Variants in PRH1 observed in about 807,000 individuals in gnomAD.
PRH1 encodes the protein salivary acidic proline-rich phosphoprotein 1/2.
In PRH1, 7 loss-of-function variants were observed where a neutral mutation model predicts 7.9. The ratio of observed to expected loss-of-function variants is 0.89; its 90% CI spans 0.50 to 1.67. The LOEUF (loss-of-function observed/expected upper bound fraction) is 1.67, where lower values mean the gene tolerates loss of function less well. Among genes scored for constraint, PRH1 ranks in the 40% most tolerant of loss-of-function variants. The probability of loss-of-function intolerance (pLI) is 0.00; values close to 1 mark genes in which losing one functional copy is unlikely to be tolerated. For synonymous variants in PRH1, 45 were observed against 80.8 expected (o/e 0.56, Z 2.38); for missense variants, 109 against 223.6 (o/e 0.49, Z 3.27).
At chr12:11,097,150 A>G in intron 1 of PRH1, 1 of 182,056 alleles carries the variant, frequency 5.5e-6, no homozygotes. Flanking sequence ...AACAATCATT[A>G]AAATATCAAA....
chr12:10,918,174 A>G (rs1335067322), intron 2 of PRH1, among the ~76,000 whole-genome samples: 1 of 152,168 alleles, frequency 6.6e-6, no homozygotes, highest in African/African-American at 2.4e-5. Context: ...GAACAATGAG[A>G]TCACATGGAC....
At chr12:10,938,544 C>T (rs772125764) in intron 2 of PRH1, 3 of 1,613,934 alleles carry the variant, frequency 1.9e-6, no homozygotes, top group Non-Finnish European at 1.7e-6. Flanking sequence ...TTGGTGCTGG[C>T]GTCTCCGGAT....
chr12:11,002,230 T>C (rs758095420), intron 1 of PRH1, among the ~76,000 whole-genome samples: 19 of 152,216 alleles, frequency 1.2e-4, no homozygotes, highest in Non-Finnish European at 2.5e-4. Flanking sequence ...AGATGATGAT[T>C]GGTGATGATG....
intron 2 of PRH1, chr12:10,908,140 G>C (rs774602473): frequency 2.3e-6 from 1 of 433,512 alleles, no homozygotes; most frequent in Admixed American, 3.9e-5. Context: ...ATTTACAATA[G>C]AATCTGCCAA....
chr12:11,169,463 G>A (rs1256443590), intron 1 of PRH1, among the ~76,000 whole-genome samples: 2 of 152,126 alleles, frequency 1.3e-5, no homozygotes, highest in African/African-American at 4.8e-5. Flanking sequence ...ATCTGGCCAT[G>A]TTATCAGTGG....
chr12:11,143,655 G>C (rs1202530989), intron 1 of PRH1, among the ~76,000 whole-genome samples: 1 of 152,110 alleles, frequency 6.6e-6, no homozygotes, highest in African/African-American at 2.4e-5. Flanking sequence ...ACACTCCATG[G>C]CAATGGAAGC....
At chr12:11,148,176 C>G (rs7974258) in intron 1 of PRH1, among the ~76,000 whole-genome samples, 48,696 of 123,860 alleles carry the variant, frequency 0.39, 10,608 homozygotes, top group Non-Finnish European at 0.48. Flanking sequence ...ATCAGCTTAA[C>G]GAGATTTTGG....
chr12:11,084,272 GTT>G (rs1160685055), intron 1 of PRH1, among the ~76,000 whole-genome samples: 53,152 of 119,764 alleles, frequency 0.44, 7,718 homozygotes, highest in Non-Finnish European at 0.53. Context: ...CTGTCGAAGT[GTT>G]GGTTTCTTTT....
chr12:11,114,670 A>G (rs1160170232), intron 1 of PRH1, among the ~76,000 whole-genome samples: 1 of 152,160 alleles, frequency 6.6e-6, no homozygotes, highest in Non-Finnish European at 1.5e-5. Context: ...AATAATAGCC[A>G]CAACAACCTT....
chr12:11,161,893 A>G (rs1270298609), intron 1 of PRH1, among the ~76,000 whole-genome samples: 1 of 152,236 alleles, frequency 6.6e-6, no homozygotes, highest in Non-Finnish European at 1.5e-5. Context: ...GTGTAAGGAC[A>G]ACCATTTTGG....
At position 10,983,469 on chromosome 12, in the gene PRH1, T is replaced by C. The variant is rs1478026087; in HGVS notation, c.-125-9748A>G. Among the ~76,000 whole-genome samples the C allele has an allele frequency of 2.0e-5, 3 of 152,298 alleles. No individual in the cohort carries two copies. The East Asian group carries it at 5.8e-4, about 29-fold the overall frequency. ...TTTTCTTGGTCAGCACCTTGCTTGA[T>C]CCAGATCATCCTTCCATTTGGGACT... On this transcript the variant is annotated intron_variant, in intron 1 of 3. Coordinates refer to the PRH1 transcript ENST00000539853.
chr12:11,152,043 T>C (rs951969053), intron 1 of PRH1, among the ~76,000 whole-genome samples: 1 of 151,982 alleles, frequency 6.6e-6, no homozygotes. Flanking sequence ...AATAACTTAA[T>C]GTTTTTCTTT....
At chr12:10,998,159 T>G (rs1392067431) in intron 1 of PRH1, among the ~76,000 whole-genome samples, 1 of 152,166 alleles carries the variant, frequency 6.6e-6, no homozygotes, top group Non-Finnish European at 1.5e-5. Flanking sequence ...TTTTTCATAC[T>G]GATGTTGAAG....
chr12:11,170,337 G>A (rs1324825995), intron 1 of PRH1, among the ~76,000 whole-genome samples: 3 of 152,174 alleles, frequency 2.0e-5, no homozygotes, highest in Non-Finnish European at 4.4e-5. Context: ...ACGAGGTCAG[G>A]AGATCGAGAC....
chr12:11,111,912 T>G (rs1049356024), intron 1 of PRH1, among the ~76,000 whole-genome samples: 1 of 151,660 alleles, frequency 6.6e-6, no homozygotes, highest in African/African-American at 2.4e-5. Context: ...CTAGCCAGAC[T>G]AGTAAAGAAG....
In PRH1 at chr12:11,143,720, A is replaced by G. The variant is rs147275147; in HGVS notation, n.40-22540T>C. 4.7e-3 allele frequency among the ~76,000 whole-genome samples: 718 copies of G among 152,308 alleles called. 4 individuals are homozygous for G. The highest frequency in any genetic ancestry group is 6.8e-3 in the Middle Eastern group (2 of 294). On this transcript the variant is annotated intron_variant and non_coding_transcript_variant, in intron 1 of 1. Transcript: ENST00000541175. ...TAGACAAAATAGATTTCAAGACAAA[A>G]ACTATGAAGCGACAAAGAAGGTCAA...
chr12:10,909,645 T>C (rs545867696), intron 2 of PRH1: 12 of 223,926 alleles, frequency 5.4e-5, no homozygotes, highest in Non-Finnish European at 7.8e-5. Flanking sequence ...TTCATTGTTT[T>C]GTACTTTTTT....
chr12:10,897,800 G>GC (rs1275334596), intron 2 of PRH1, among the ~76,000 whole-genome samples: 2 of 152,038 alleles, frequency 1.3e-5, no homozygotes, highest in Non-Finnish European at 2.9e-5. Context: ...GGGGGAAACT[G>GC]CCCCCCATAA....
intron 2 of PRH1, among the ~76,000 whole-genome samples, chr12:10,944,576 C>A (rs1223168604): frequency 6.6e-6 from 1 of 152,092 alleles, no homozygotes; most frequent in Non-Finnish European, 1.5e-5. Context: ...ATTGCTCTGG[C>A]CAGGACTTCC....
Sources: gnomAD v4.1 joint callset for allele counts (sites outside exome capture counted in the v4.1 genomes callset) on GRCh38, gnomAD v4.1.1 for gene constraint, MANE v1.5 for transcripts, NCBI Gene and HGNC (gene_info 2026-07-23, HGNC 2026-07-21) for gene names.